TNFAIP8: variants seen among roughly 807,000 people sequenced by gnomAD.
The protein encoded by TNFAIP8 is TNF alpha induced protein 8, also known as tumor necrosis factor alpha-induced protein 8.
A neutral mutation model predicts 13.3 loss-of-function variants in TNFAIP8; 7 were observed. The observed-to-expected ratio is 0.52, with a 90% CI of 0.30 to 0.99. TNFAIP8 has a LOEUF of 0.99. Ranked by LOEUF, TNFAIP8 falls within the 50% of genes least tolerant of loss-of-function variation. The probability of loss-of-function intolerance (pLI) is 0.07; values close to 1 mark genes in which losing one functional copy is unlikely to be tolerated. For synonymous variants in TNFAIP8, 94 were observed against 87.6 expected, an observed-to-expected ratio of 1.07 and a Z score of -0.41; for missense variants, 258 against 236.9, an observed-to-expected ratio of 1.09 and a Z score of -0.58.
chr5:119,333,780 G>C, intron 1 of TNFAIP8: 1 of 708,698 alleles, frequency 1.4e-6, no homozygotes, highest in Non-Finnish European at 2.4e-6. Context: ...ACAAATCACT[G>C]TTTTGTTTTG....
At chr5:119,371,735 C>G (rs1752080948) in intron 1 of TNFAIP8, among the ~76,000 whole-genome samples, 1 of 152,186 alleles carries the variant, frequency 6.6e-6, no homozygotes. Flanking sequence ...AGTGAGAATA[C>G]TAGAAATCAG....
intron 1 of TNFAIP8, among the ~76,000 whole-genome samples, chr5:119,332,865 G>A (rs1358576887): frequency 6.6e-6 from 1 of 151,960 alleles, no homozygotes; most frequent in East Asian, 1.9e-4. Context: ...GTGTATGCCT[G>A]GATACACTCA....
At chr5:119,351,796 CTTTTTTTTTTT>C (rs1192249749), upstream of TNFAIP8, among the ~76,000 whole-genome samples, 1 of 127,730 alleles carries the variant, frequency 7.8e-6, no homozygotes, top group Non-Finnish European at 1.7e-5. Context: ...TTCTTTTTTT[CTTTTTTTTTTT>C]GAGATGGTGT....
At chr5:119,371,703 G>C (rs550669291) in intron 1 of TNFAIP8, among the ~76,000 whole-genome samples, 1 of 152,132 alleles carries the variant, frequency 6.6e-6, no homozygotes, top group Non-Finnish European at 1.5e-5. Flanking sequence ...ATTTTCCTAA[G>C]ATACTTTCTG....
intron 1 of TNFAIP8, among the ~76,000 whole-genome samples, chr5:119,367,450 C>T (rs1050825856): frequency 1.3e-5 from 2 of 152,162 alleles, no homozygotes; most frequent in Non-Finnish European, 2.9e-5. Flanking sequence ...AGTATAGAAC[C>T]TACCAGCAAA....
chr5:119,276,798 A>G (rs1378548329), intron 1 of TNFAIP8, among the ~76,000 whole-genome samples: 2 of 152,210 alleles, frequency 1.3e-5, no homozygotes, highest in Non-Finnish European at 2.9e-5. Flanking sequence ...ACTAGAGATC[A>G]GGGTTTCAGT....
intron 1 of TNFAIP8, among the ~76,000 whole-genome samples, chr5:119,317,936 G>C (rs934187585): frequency 2.0e-5 from 3 of 151,958 alleles, no homozygotes; most frequent in Non-Finnish European, 2.9e-5. Context: ...TATTTCCTTT[G>C]GACACATCCA....
intron 1 of TNFAIP8, among the ~76,000 whole-genome samples, chr5:119,278,376 AGTGTGT>A (rs71591297): frequency 0.067 from 7,248 of 107,936 alleles, 213 homozygotes; most frequent in Middle Eastern, 0.11. Flanking sequence ...AGAGAGAGAG[AGTGTGT>A]GTGTGTGTGT....
intron 1 of TNFAIP8, among the ~76,000 whole-genome samples, chr5:119,298,045 C>G (rs886572146): frequency 2.6e-5 from 4 of 152,194 alleles, no homozygotes; most frequent in African/African-American, 9.7e-5. Context: ...ACTGATGGGT[C>G]TTGACTCTTT....
chr5:119,280,217 G>C (rs1647204286), intron 1 of TNFAIP8, among the ~76,000 whole-genome samples: 1 of 151,652 alleles, frequency 6.6e-6, no homozygotes, highest in African/African-American at 2.4e-5. Flanking sequence ...ATTTCCCTCT[G>C]TTCCTCCAAA....
intron 1 of TNFAIP8, among the ~76,000 whole-genome samples, chr5:119,334,623 TCG>T (rs1491094693): frequency 2.0e-5 from 2 of 100,138 alleles, no homozygotes; most frequent in Non-Finnish European, 3.8e-5. Flanking sequence ...TGTGATCCTT[TCG>T]TGTGTGTGTG....
rs1308965389 is a variant in TNFAIP8, at chr5:119,292,653, T to C, written c.1+23746T>C. 3.0e-4 allele frequency among the ~76,000 whole-genome samples: 7 copies of C among 23,490 alleles called. 1 individual carries two copies. The highest frequency in any genetic ancestry group is 1.2e-3 in the African/African-American group (7 of 5,786). 15.4% of individuals were successfully genotyped at this position (23,490 alleles called of 152,430 possible). On this transcript the variant is annotated intron_variant, in intron 1 of 1. Transcript: ENST00000274456. Reference sequence around the variant, plus strand: ...ATGAATAATCAATGTAGCATATATATATATATATATATATATATATATATA... The same window carrying C: ...ATGAATAATCAATGTAGCATATATACATATATATATATATATATATATATA...
chr5:119,360,123 T>C (rs1361142470), intron 1 of TNFAIP8, among the ~76,000 whole-genome samples: 1 of 152,222 alleles, frequency 6.6e-6, no homozygotes, highest in Non-Finnish European at 1.5e-5. Flanking sequence ...GCATCCTACC[T>C]TTCTTGCCCC....
chr5:119,367,629 A>T (rs1000688256), intron 1 of TNFAIP8, among the ~76,000 whole-genome samples: 1 of 152,302 alleles, frequency 6.6e-6, no homozygotes, highest in Middle Eastern at 3.4e-3. Context: ...TCCATGAATG[A>T]CTCAATTGAC....
intron 1 of TNFAIP8, among the ~76,000 whole-genome samples, chr5:119,380,682 T>G (rs1752451903): frequency 6.6e-6 from 1 of 152,228 alleles, no homozygotes; most frequent in African/African-American, 2.4e-5. Context: ...TTCACTAAGT[T>G]CAGTTTTGTA....
intron 1 of TNFAIP8, among the ~76,000 whole-genome samples, chr5:119,295,023 T>G (rs1275455239): frequency 8.5e-5 from 13 of 152,094 alleles, no homozygotes. Flanking sequence ...TTTCTTTTGC[T>G]GTGCAGAAGC....
chr5:119,392,187 A>C lies in TNFAIP8; in HGVS notation c.32-629A>C, dbSNP rs540819082. 3.9e-5 allele frequency among the ~76,000 whole-genome samples: 6 copies of C among 152,382 alleles called. No homozygotes were observed. The South Asian group carries it at 1.2e-3, about 32-fold the overall frequency. On this transcript the variant is annotated intron_variant, in intron 1 of 1. Coordinates refer to ENST00000504771, the MANE Select transcript of TNFAIP8 (RefSeq NM_014350.4). The stretch of plus-strand genomic sequence containing the variant: ...GAAATTCAAGGTACTTAGGACAGCC[A>C]AATTGGTAGGCACTGGCCAATGTCT...
chr5:119,356,899 T>G (rs1445394205), intron 1 of TNFAIP8, among the ~76,000 whole-genome samples: 1 of 151,968 alleles, frequency 6.6e-6, no homozygotes, highest in Non-Finnish European at 1.5e-5. Flanking sequence ...AGTTCTCTTG[T>G]AAGTGGGGGG....
intron 1 of TNFAIP8, among the ~76,000 whole-genome samples, chr5:119,340,024 T>C (rs1173946154): frequency 6.6e-6 from 1 of 152,184 alleles, no homozygotes; most frequent in African/African-American, 2.4e-5. Flanking sequence ...AGGATGGCTG[T>C]CTAGAGCAGG....
Sources: gnomAD v4.1 joint callset for allele counts (sites outside exome capture counted in the v4.1 genomes callset) on GRCh38, gnomAD v4.1.1 for gene constraint, MANE v1.5 for transcripts, NCBI Gene and HGNC (gene_info 2026-07-23, HGNC 2026-07-21) for gene names.